The following SENP6 variants were observed in gnomAD, a reference collection of about 807,000 sequenced individuals.
SENP6 encodes SUMO specific peptidase 6, also known as sentrin-specific protease 6.
In SENP6, 41 loss-of-function variants were observed where a neutral mutation model predicts 134.5. The observed-to-expected ratio is 0.30, with a 90% CI of 0.24 to 0.40. The LOEUF (loss-of-function observed/expected upper bound fraction) is 0.40. SENP6 is among the 10% of genes least tolerant of loss of function. The pLI, the probability that SENP6 is intolerant of heterozygous loss-of-function variation, is 1.00. For missense variants in SENP6, 1,248 were observed against 1,312.5 expected, an observed-to-expected ratio of 0.95 and a Z score of 0.76; for synonymous variants, 395 against 429.8, an observed-to-expected ratio of 0.92 and a Z score of 1.00.
chr6:75,651,923 C>T (rs996060073), intron 7 of SENP6, among the ~76,000 whole-genome samples: 3 of 152,096 alleles, frequency 2.0e-5, no homozygotes, highest in African/African-American at 7.2e-5. Context: ...CACCTGTAAT[C>T]CCAGCATTTG....
intron 1 of SENP6, among the ~76,000 whole-genome samples, chr6:75,608,881 T>G (rs1293856517): frequency 1.3e-5 from 2 of 152,228 alleles, no homozygotes; most frequent in Non-Finnish European, 1.5e-5. Flanking sequence ...AAGAGCTTCC[T>G]TTACTTGCTT....
Position 75,717,890 on chromosome 6 carries a change from T to A in SENP6, c.*2296T>A, listed in dbSNP as rs2149911986. On this transcript the variant is annotated 3_prime_UTR_variant, in exon 24 of 24. Transcript: ENST00000447266. The stretch of plus-strand genomic sequence containing the variant: ...GATTACTTGCCATAAAATTTGTATG[T>A]CTCAGCTCTTGTTGGTTTAGGAGCA... 6.6e-6 allele frequency: 1 copy of A among 152,316 alleles called. No individual in the cohort carries two copies. The highest frequency in any genetic ancestry group is 1.9e-4 in the East Asian group (1 of 5,186). The allele number at this position is 152,316 out of a possible 1,614,324, so 9.4% of individuals were successfully genotyped here.
chr6:75,715,859 A>G lies in SENP6; in HGVS notation c.*265A>G. ...TATGTATTTTCTGTTAATAGTACCT[A>G]AAATTGCAACTTCTAAACACAAATA... On this transcript the variant is annotated 3_prime_UTR_variant, in exon 24 of 24. Coordinates refer to ENST00000447266, the MANE Select transcript of SENP6 (RefSeq NM_015571.4). 1 of 239,920 alleles carries G rather than the reference A, an allele frequency of 4.2e-6. No individual in the cohort carries two copies. Among genetic ancestry groups the G allele is most frequent in the Non-Finnish European group, 8.0e-6 (1 of 125,152 alleles). 14.9% of individuals were successfully genotyped at this position (239,920 alleles called of 1,614,324 possible). A position where few individuals can be genotyped will look rare whatever the true frequency, so the allele number is the denominator to read the frequency against.
chr6:75,649,552 CTG>C (rs1562005161), intron 7 of SENP6, among the ~76,000 whole-genome samples: 1 of 152,140 alleles, frequency 6.6e-6, no homozygotes, highest in East Asian at 1.9e-4. Context: ...GGGTCTCACT[CTG>C]TAGCCCAGGC....
intron 1 of SENP6, among the ~76,000 whole-genome samples, chr6:75,614,171 G>A (rs1039032588): frequency 1.3e-5 from 2 of 151,900 alleles, no homozygotes; most frequent in Admixed American, 6.6e-5. Flanking sequence ...AGGGGACCAT[G>A]ATGTCAATTT....
At chr6:75,708,882 A>G (rs1284533962) in intron 19 of SENP6, among the ~76,000 whole-genome samples, 2 of 152,222 alleles carry the variant, frequency 1.3e-5, no homozygotes, top group Non-Finnish European at 1.5e-5. Context: ...CGACAGAGCA[A>G]GACCCCGTCT....
At chr6:75,648,636 G>A (rs1770632405) in intron 7 of SENP6, among the ~76,000 whole-genome samples, 2 of 152,140 alleles carry the variant, frequency 1.3e-5, no homozygotes, top group African/African-American at 4.8e-5. Flanking sequence ...TTATAGATGT[G>A]AATTATTATA....
chr6:75,654,744 A>G (rs916660442), intron 7 of SENP6, among the ~76,000 whole-genome samples: 5 of 152,216 alleles, frequency 3.3e-5, no homozygotes, highest in Admixed American at 2.6e-4. Flanking sequence ...TAGTAGTATC[A>G]CAACTAAAAT....
In SENP6 at chr6:75,692,006, G is replaced by A. The variant is rs181995473; in HGVS notation, c.2076-3798G>A. On this transcript the variant is annotated intron_variant, in intron 16 of 23. Coordinates refer to ENST00000447266, the MANE Select transcript of SENP6 (RefSeq NM_015571.4). ...TGAGTAGCTGGGATTACAGGCATGT[G>A]CTACCACACCCGGCTAGTTTTGTAT... Among the ~76,000 whole-genome samples, 638 of 152,144 alleles carry A rather than the reference G, an allele frequency of 4.2e-3. 3 individuals carry two copies. The highest frequency in any genetic ancestry group is 0.015 in the African/African-American group (617 of 41,524).
At chr6:75,676,463 T>C (rs1310053137) in intron 13 of SENP6, 1 of 155,650 alleles carries the variant, frequency 6.4e-6, no homozygotes, top group Non-Finnish European at 1.4e-5. Flanking sequence ...CTTAAGTCTT[T>C]ATAATACATA....
At chr6:75,647,937 G>A (rs1198702002) in intron 7 of SENP6, 136 bp downstream of exon 7, 2 of 519,292 alleles carry the variant, frequency 3.9e-6, no homozygotes, top group South Asian at 3.9e-5. Context: ...TTTTGTAACT[G>A]ATTTGAGAAT....
chr6:75,708,461 T>C (rs1191081565), intron 19 of SENP6, among the ~76,000 whole-genome samples: 1 of 151,940 alleles, frequency 6.6e-6, no homozygotes, highest in East Asian at 1.9e-4. Flanking sequence ...CATAGTGGTG[T>C]GCACCTGTAA....
chr6:75,654,381 T>C (rs1194980807), intron 7 of SENP6, among the ~76,000 whole-genome samples: 1 of 152,206 alleles, frequency 6.6e-6, no homozygotes, highest in Non-Finnish European at 1.5e-5. Context: ...TTTGAACAAA[T>C]AATGTATTTG....
chr6:75,626,302 T>A (rs1305560364), intron 3 of SENP6, among the ~76,000 whole-genome samples: 1 of 151,956 alleles, frequency 6.6e-6, no homozygotes, highest in Non-Finnish European at 1.5e-5. Context: ...TTTTTCCCTA[T>A]AAGTGACTTG....
chr6:75,620,705 G>A (rs953995957), intron 1 of SENP6: 39 of 152,258 alleles, frequency 2.6e-4, no homozygotes, highest in African/African-American at 8.9e-4. Flanking sequence ...CCAGAGCCAA[G>A]CTTAAGACAT....
intron 21 of SENP6, among the ~76,000 whole-genome samples, chr6:75,711,725 T>G (rs1775756791): frequency 6.6e-6 from 1 of 152,128 alleles, no homozygotes; most frequent in Admixed American, 6.5e-5. Context: ...CAGGCTGGAG[T>G]GCAGTGGCAC....
intron 1 of SENP6, among the ~76,000 whole-genome samples, chr6:75,608,570 A>G (rs1474327962): frequency 1.3e-5 from 2 of 152,164 alleles, no homozygotes; most frequent in African/African-American, 2.4e-5. Flanking sequence ...GAAGGAGAAA[A>G]GAAAGTGATT....
intron 7 of SENP6, chr6:75,655,319 TACTACA>T (rs1296438246): frequency 7.2e-5 from 11 of 152,370 alleles, no homozygotes; most frequent in Admixed American, 7.2e-4. Flanking sequence ...AAATAAAATT[TACTACA>T]ATGAAATACA....
Position 75,666,918 on chromosome 6 carries a change from A to T in SENP6, c.1201A>T (p.Arg401Ter). 6.2e-7 allele frequency: 1 copy of T among 1,600,762 alleles called. No individual in the cohort carries two copies. The highest frequency in any genetic ancestry group is 8.5e-7 in the Non-Finnish European group (1 of 1,170,010). The change falls in exon 10 of 24, where the codon AGA becomes TGA. Residue 401 changes from arginine to a stop codon, truncating the protein, a stop_gained. Transcript: ENST00000447266. LOFTEE classifies it high-confidence loss of function. Reference sequence around the variant, plus strand: ...AGAGTTAAATACAGTTACATTGCCAAGAAAAGCAAGAATGAAAGACCAGGT... The same window carrying T: ...AGAGTTAAATACAGTTACATTGCCATGAAAAGCAAGAATGAAAGACCAGGT... ...DSELNTVTLPRKARMKDQFGN... is the reference protein window; with the variant it reads ...DSELNTVTLP
Sources: allele counts gnomAD v4.1 joint callset (sites outside exome capture counted in the v4.1 genomes callset), GRCh38; gene constraint gnomAD v4.1.1; transcripts MANE v1.5; gene names NCBI Gene and HGNC (gene_info 2026-07-23, HGNC 2026-07-21).